The following MCU variants were observed in gnomAD, a reference collection of about 807,000 sequenced individuals.
MCU encodes calcium uniporter protein, mitochondrial.
In MCU, 12 loss-of-function variants were observed where a neutral mutation model predicts 45.2. The observed-to-expected ratio is 0.27, with a 90% CI of 0.17 to 0.43. The LOEUF (loss-of-function observed/expected upper bound fraction) is 0.43, where lower values mean the gene tolerates loss of function less well. MCU is among the 20% of genes least tolerant of loss of function. The pLI is 1.00. For synonymous variants in MCU, 160 were observed against 165.1 expected, an observed-to-expected ratio of 0.97 and a Z score of 0.24; for missense variants, 324 against 436.7, an observed-to-expected ratio of 0.74 and a Z score of 2.30.
intron 6 of MCU, among the ~76,000 whole-genome samples, chr10:72,882,505 G>A (rs1054503685): frequency 1.3e-5 from 2 of 152,064 alleles, no homozygotes; most frequent in Non-Finnish European, 2.9e-5. Flanking sequence ...GGCCCCCTTG[G>A]GTGTGGCCGT....
Position 72,791,128 on chromosome 10 carries a change from G to A in MCU, c.151-43231G>A, listed in dbSNP as rs147754651. 1.9e-3 allele frequency among the ~76,000 whole-genome samples: 295 copies of A among 152,190 alleles called. 2 individuals carry two copies. The highest frequency in any genetic ancestry group is 6.9e-3 in the Admixed American group (105 of 15,288). On this transcript the variant is annotated intron_variant, in intron 1 of 7. Coordinates refer to ENST00000373053, the MANE Select transcript of MCU (RefSeq NM_138357.3). ...TGAAATCATCTTCTCATTGTTAAGA[G>A]GTAACAAGTAGTGGCACATTTTACC...
In MCU at chr10:72,859,357, C is replaced by T. The variant is rs368714312; in HGVS notation, c.391+10C>T. 13 of 1,599,332 alleles carry T rather than the reference C, an allele frequency of 8.1e-6. No individual in the cohort carries two copies. In the South Asian group the frequency reaches 1.4e-4, roughly 17 times the overall value. On this transcript the variant is annotated intron_variant, in intron 3 of 7. Coordinates refer to ENST00000373053, the MANE Select transcript of MCU (RefSeq NM_138357.3). Reference sequence around the variant, plus strand: ...GCTATCTATTCACCAGGTATAGTCACCATCATTATTAATTACCATCTATCC... The same window carrying T: ...GCTATCTATTCACCAGGTATAGTCATCATCATTATTAATTACCATCTATCC...
intron 2 of MCU, among the ~76,000 whole-genome samples, chr10:72,857,099 G>A (rs181956960): frequency 1.3e-5 from 2 of 151,664 alleles, no homozygotes; most frequent in South Asian, 2.1e-4. Flanking sequence ...GACACATGTC[G>A]CCACATCTGG....
chr10:72,867,331 A>G (rs1437652901), intron 4 of MCU, among the ~76,000 whole-genome samples: 1 of 152,166 alleles, frequency 6.6e-6, no homozygotes, highest in African/African-American at 2.4e-5. Context: ...TTTAATCAGC[A>G]GAGTTTTTAT....
At chr10:72,703,450 T>C (rs1014947453) in intron 1 of MCU, among the ~76,000 whole-genome samples, 3 of 152,256 alleles carry the variant, frequency 2.0e-5, no homozygotes, top group Non-Finnish European at 4.4e-5. Context: ...TCTTAACCAC[T>C]GTTTCTGTGG....
chr10:72,833,539 A>T (rs1844910766), intron 1 of MCU, among the ~76,000 whole-genome samples: 1 of 152,198 alleles, frequency 6.6e-6, no homozygotes, highest in African/African-American at 2.4e-5. Context: ...CTTTGTGCTG[A>T]TGGAATGGAA....
At chr10:72,876,921 GTTTT>G (rs11365046) in intron 6 of MCU, among the ~76,000 whole-genome samples, 1 of 134,186 alleles carries the variant, frequency 7.5e-6, no homozygotes. Context: ...TCAAATCACA[GTTTT>G]TTTTTTTTTT....
intron 1 of MCU, among the ~76,000 whole-genome samples, chr10:72,809,593 G>A (rs945778858): frequency 1.2e-4 from 19 of 152,098 alleles, no homozygotes; most frequent in Admixed American, 7.2e-4. Flanking sequence ...GGACTTAGAG[G>A]TATATTTGAT....
chr10:72,863,616 CTTATT>C (rs1352487546), intron 4 of MCU, among the ~76,000 whole-genome samples: 2 of 152,060 alleles, frequency 1.3e-5, no homozygotes, highest in Non-Finnish European at 1.5e-5. Context: ...ACAAGTCTAT[CTTATT>C]TTATTTTATT....
At chr10:72,707,614 T>TGTGC (rs1842840425) in intron 1 of MCU, among the ~76,000 whole-genome samples, 1 of 143,076 alleles carries the variant, frequency 7.0e-6, no homozygotes, top group African/African-American at 2.9e-5. Context: ...GTGGTGTGTG[T>TGTGC]GTGTGTGTGT....
chr10:72,833,230 A>G (rs1352164454), intron 1 of MCU, among the ~76,000 whole-genome samples: 3 of 152,192 alleles, frequency 2.0e-5, no homozygotes, highest in African/African-American at 7.2e-5. Flanking sequence ...TGGGACAGCT[A>G]TGTTGTCATT....
intron 1 of MCU, among the ~76,000 whole-genome samples, chr10:72,821,774 C>G (rs1358560300): frequency 6.6e-6 from 1 of 152,126 alleles, no homozygotes; most frequent in African/African-American, 2.4e-5. Context: ...ATGGCAACAT[C>G]AGATCCAACA....
chr10:72,707,607 G>GTA (rs1491449447), intron 1 of MCU, among the ~76,000 whole-genome samples: 1 of 20,700 alleles, frequency 4.8e-5, no homozygotes, highest in African/African-American at 9.9e-5. Context: ...GTGGTGAGTG[G>GTA]TGTGTGTGTG....
chr10:72,869,496 G>A (rs948641627), intron 5 of MCU, among the ~76,000 whole-genome samples: 1 of 152,224 alleles, frequency 6.6e-6, no homozygotes, highest in Admixed American at 6.5e-5. Flanking sequence ...GCTGAGGCAC[G>A]AGAATCACTT....
At chr10:72,811,888 C>G (rs1844548814) in intron 1 of MCU, among the ~76,000 whole-genome samples, 1 of 152,038 alleles carries the variant, frequency 6.6e-6, no homozygotes, top group Non-Finnish European at 1.5e-5. Context: ...TGAATGCTGT[C>G]TTTTCCTTTA....
chr10:72,818,609 G>A (rs1370049229), intron 1 of MCU, among the ~76,000 whole-genome samples: 22 of 152,162 alleles, frequency 1.4e-4, no homozygotes, highest in Admixed American at 1.4e-3. Context: ...GGAGGCCGAG[G>A]TGGGTGGATC....
chr10:72,869,170 G>C (rs889940504), intron 5 of MCU, among the ~76,000 whole-genome samples: 4 of 152,190 alleles, frequency 2.6e-5, no homozygotes, highest in African/African-American at 9.7e-5. Context: ...GAGTATAGTG[G>C]ATAATGATTT....
intron 6 of MCU, 97 bp from the exon 7 acceptor site, chr10:72,884,169 C>G (rs1845745656): frequency 1.3e-6 from 1 of 743,562 alleles, no homozygotes; most frequent in Non-Finnish European, 2.4e-6. Flanking sequence ...TGTCAGCACA[C>G]ACGCATACAT....
In MCU at chr10:72,743,589, A is replaced by C. The variant is rs570202575; in HGVS notation, c.150+51288A>C. 1.8e-4 allele frequency among the ~76,000 whole-genome samples: 27 copies of C among 152,134 alleles called. 1 individual carries two copies. In the South Asian group the frequency reaches 4.6e-3, roughly 26 times the overall value. On this transcript the variant is annotated intron_variant, in intron 1 of 7. Coordinates refer to ENST00000373053, the MANE Select transcript of MCU (RefSeq NM_138357.3). ...AAGCATTTTTTTTCTGTACTTGTAC[A>C]TTTAAGGTGCTATGCAAGTCATGTT...
Sources: gnomAD v4.1 joint callset for allele counts (sites outside exome capture counted in the v4.1 genomes callset) on GRCh38, gnomAD v4.1.1 for gene constraint, MANE v1.5 for transcripts, NCBI Gene and HGNC (gene_info 2026-07-23, HGNC 2026-07-21) for gene names.